SDK1: variants seen among roughly 807,000 people sequenced by gnomAD.
SDK1 encodes the protein sidekick cell adhesion molecule 1, also known as protein sidekick-1.
SDK1 carries 157 observed loss-of-function variants against 245.5 expected under a neutral mutation model. The ratio of observed to expected loss-of-function variants is 0.64; its 90% CI spans 0.56 to 0.73. SDK1 has a LOEUF of 0.73. SDK1 is among the 30% of genes least tolerant of loss of function. The pLI is 0.00. For missense variants in SDK1, 3,583 were observed against 3,002.3 expected, an observed-to-expected ratio of 1.19 and a Z score of -4.52; for synonymous variants, 1,647 against 1,278.5, an observed-to-expected ratio of 1.29 and a Z score of -6.15.
intron 19 of SDK1, among the ~76,000 whole-genome samples, chr7:4,067,235 G>A (rs1431797395): frequency 1.3e-5 from 2 of 152,216 alleles, no homozygotes; most frequent in Admixed American, 1.3e-4. Flanking sequence ...TAACTCTGCG[G>A]CTCTGCCTGC....
intron 1 of SDK1, among the ~76,000 whole-genome samples, chr7:3,474,608 A>C (rs1781295598): frequency 6.6e-6 from 1 of 151,864 alleles, no homozygotes; most frequent in Admixed American, 6.6e-5. Context: ...TCTACTTCCT[A>C]CATTTCTCTG....
At chr7:3,750,673 C>A (rs923355733) in intron 4 of SDK1, among the ~76,000 whole-genome samples, 7 of 152,182 alleles carry the variant, frequency 4.6e-5, no homozygotes, top group African/African-American at 4.8e-5. Flanking sequence ...TAACTGAGTT[C>A]TTTGCTCAAA....
At chr7:4,143,334 G>A (rs1201096512) in intron 28 of SDK1, among the ~76,000 whole-genome samples, 1 of 152,172 alleles carries the variant, frequency 6.6e-6, no homozygotes, top group Admixed American at 6.5e-5. Flanking sequence ...AAGGGGTCTT[G>A]CCAGCTGGAG....
At chr7:3,426,015 T>C (rs1779665693) in intron 1 of SDK1, among the ~76,000 whole-genome samples, 1 of 152,256 alleles carries the variant, frequency 6.6e-6, no homozygotes, top group South Asian at 2.1e-4. Context: ...GGAAGGATTA[T>C]AAAATACATA....
intron 43 of SDK1, 88 bp downstream of exon 43, chr7:4,242,001 A>G: frequency 6.7e-7 from 1 of 1,490,128 alleles, no homozygotes; most frequent in Non-Finnish European, 9.1e-7. Context: ...CACCTCCTGC[A>G]TCCCGCCCTG....
chr7:3,395,689 G>C (rs1781879177), intron 1 of SDK1, among the ~76,000 whole-genome samples: 1 of 151,848 alleles, frequency 6.6e-6, no homozygotes, highest in East Asian at 1.9e-4. Context: ...TAGATGTATT[G>C]AGATTTTCTA....
intron 5 of SDK1, among the ~76,000 whole-genome samples, chr7:3,949,837 G>T (rs1780727965): frequency 6.6e-6 from 1 of 152,110 alleles, no homozygotes; most frequent in African/African-American, 2.4e-5. Context: ...TTACTTTTCA[G>T]AAAGGAAAAA....
At chr7:4,003,279 T>A (rs11977366) in intron 14 of SDK1, among the ~76,000 whole-genome samples, 41,941 of 152,122 alleles carry the variant, frequency 0.28, 6,065 homozygotes, top group African/African-American at 0.35. Context: ...CCACTCATGG[T>A]AGGTCTTTCT....
At chr7:3,650,840 T>TA (rs1782992085) in intron 4 of SDK1, among the ~76,000 whole-genome samples, 2 of 147,940 alleles carry the variant, frequency 1.4e-5, no homozygotes, top group South Asian at 4.4e-4. Flanking sequence ...TTTTTTTTTT[T>TA]TAACTTAGTA....
chr7:3,338,540 T>C, intron 1 of SDK1: 2 of 403,386 alleles, frequency 5.0e-6, no homozygotes, highest in Non-Finnish European at 9.5e-6. Context: ...GCACACTTTG[T>C]GAGAAGCAGT....
chr7:3,877,355 C>T (rs1450895425), intron 5 of SDK1, among the ~76,000 whole-genome samples: 1 of 152,210 alleles, frequency 6.6e-6, no homozygotes, highest in Non-Finnish European at 1.5e-5. Flanking sequence ...GTTCCTTGCA[C>T]ATAGTAGGCC....
intron 5 of SDK1, among the ~76,000 whole-genome samples, chr7:3,905,370 A>G (rs1407402584): frequency 6.6e-6 from 1 of 152,198 alleles, no homozygotes; most frequent in African/African-American, 2.4e-5. Context: ...GTCTGGATGT[A>G]TATAAAACTC....
chr7:3,452,955 C>G (rs1000668352), intron 1 of SDK1, among the ~76,000 whole-genome samples: 1 of 152,178 alleles, frequency 6.6e-6, no homozygotes, highest in East Asian at 1.9e-4. Flanking sequence ...CCCTATTCCA[C>G]CTGATTCATC....
intron 16 of SDK1, among the ~76,000 whole-genome samples, 168 bp from the exon 17 acceptor site, chr7:4,017,003 T>A (rs1438455209): frequency 2.6e-5 from 4 of 152,238 alleles, no homozygotes; most frequent in African/African-American, 9.6e-5. Context: ...TAGAGCACAC[T>A]TTTCAAAATC....
intron 9 of SDK1, among the ~76,000 whole-genome samples, chr7:3,966,931 T>C (rs983473293): frequency 6.6e-6 from 1 of 152,146 alleles, no homozygotes; most frequent in Non-Finnish European, 1.5e-5. Flanking sequence ...AGCAGTCCTC[T>C]TGCCTCAGCC....
intron 22 of SDK1, among the ~76,000 whole-genome samples, chr7:4,091,334 CTTTTTTTTTTTT>C (rs61065472): frequency 1.8e-5 from 2 of 108,260 alleles, no homozygotes. Flanking sequence ...CTTTTCTTTT[CTTTTTTTTTTTT>C]TTTTTTTTTT....
rs1788416106 is a variant in SDK1, at chr7:4,265,541, C to A, written c.*157C>A. The A allele has an allele frequency of 4.5e-6, 6 of 1,339,810 alleles. No homozygotes were observed. Among genetic ancestry groups the A allele is most frequent in the Admixed American group, 3.8e-5 (1 of 26,148 alleles). The allele number at this position is 1,339,810 out of a possible 1,614,324, so 83.0% of individuals were successfully genotyped here. ...TTACCTACTTGTGGACACTAGATTT[C>A]AATTAGGAAGGTTTTTTTAAACGGC... On this transcript the variant is annotated 3_prime_UTR_variant, in exon 45 of 45. Transcript: ENST00000404826.
intron 1 of SDK1, among the ~76,000 whole-genome samples, chr7:3,340,452 G>A (rs1780316239): frequency 6.6e-6 from 1 of 152,096 alleles, no homozygotes; most frequent in African/African-American, 2.4e-5. Flanking sequence ...TCTTCAATTT[G>A]TAAAAAAACA....
intron 44 of SDK1, among the ~76,000 whole-genome samples, chr7:4,250,397 G>A (rs1787216067): frequency 6.6e-6 from 1 of 151,988 alleles, no homozygotes; most frequent in Non-Finnish European, 1.5e-5. Context: ...AGGCTGGAGT[G>A]CAGTGGCATG....
Sources: gnomAD v4.1 joint callset for allele counts (sites outside exome capture counted in the v4.1 genomes callset) on GRCh38, gnomAD v4.1.1 for gene constraint, MANE v1.5 for transcripts, NCBI Gene and HGNC (gene_info 2026-07-23, HGNC 2026-07-21) for gene names.